CCDC126: variants seen among roughly 807,000 people sequenced by gnomAD.
CCDC126 encodes the protein coiled-coil domain-containing protein 126.
In CCDC126, 5 loss-of-function variants were observed where a neutral mutation model predicts 11.7. The ratio of observed to expected loss-of-function variants is 0.43; its 90% CI spans 0.22 to 0.90. CCDC126 has a LOEUF of 0.90. CCDC126 is among the 40% of genes least tolerant of loss of function. The pLI, the probability that CCDC126 is intolerant of heterozygous loss-of-function variation, is 0.27. For synonymous variants in CCDC126, 60 were observed against 61.9 expected (o/e 0.97, Z 0.14); for missense variants, 150 against 163.1 (o/e 0.92, Z 0.44).
chr7:23,624,947 A>AT (rs1363424483), intron 3 of CCDC126, among the ~76,000 whole-genome samples: 8 of 152,110 alleles, frequency 5.3e-5, no homozygotes, highest in African/African-American at 1.2e-4. Context: ...GGCTCAGGTG[A>AT]TCCCCCCACC....
At chr7:23,640,709 A>G (rs1028278094) in intron 3 of CCDC126, among the ~76,000 whole-genome samples, 11 of 152,098 alleles carry the variant, frequency 7.2e-5, no homozygotes, top group African/African-American at 2.7e-4. Flanking sequence ...CCTATTCTAC[A>G]TATTCTATAT....
At chr7:23,620,056 C>T (rs943344333) in intron 3 of CCDC126, among the ~76,000 whole-genome samples, 3 of 152,132 alleles carry the variant, frequency 2.0e-5, no homozygotes, top group Admixed American at 2.0e-4. Context: ...GTGCGTGTGT[C>T]TTTATAGCAG....
chr7:23,621,623 A>G (rs1228034566), intron 3 of CCDC126, among the ~76,000 whole-genome samples: 1 of 152,214 alleles, frequency 6.6e-6, no homozygotes, highest in African/African-American at 2.4e-5. Flanking sequence ...TATGTTGAAT[A>G]GGAGTGGTGA....
chr7:23,622,345 T>A (rs537256474), intron 3 of CCDC126: 3 of 269,748 alleles, frequency 1.1e-5, no homozygotes, highest in African/African-American at 6.8e-5. Flanking sequence ...CCATTTCTTC[T>A]AGATTTTCTA....
intron 2 of CCDC126, among the ~76,000 whole-genome samples, chr7:23,600,381 C>CA (rs901985256): frequency 7.0e-6 from 1 of 142,852 alleles, no homozygotes; most frequent in Non-Finnish European, 1.6e-5. Context: ...TTAACCCCCC[C>CA]CCCCCCACCA....
intron 3 of CCDC126, among the ~76,000 whole-genome samples, chr7:23,618,806 C>T (rs1782839890): frequency 6.6e-6 from 1 of 152,048 alleles, no homozygotes; most frequent in Non-Finnish European, 1.5e-5. Flanking sequence ...CCACCTGCCT[C>T]CACCTCCCAG....
intron 1 of CCDC126, 69 bp from the exon 2 acceptor site, chr7:23,597,897 GC>G (rs1226412780): frequency 6.6e-6 from 1 of 152,282 alleles, no homozygotes; most frequent in Non-Finnish European, 1.5e-5. Flanking sequence ...AGCGGGGCGG[GC>G]TTGGTCCGGA....
In CCDC126 at chr7:23,599,825, C is replaced by T. The variant is rs1782502052; in HGVS notation, c.-146+1774C>T. On this transcript the variant is annotated intron_variant, in intron 2 of 3. Transcript: ENST00000307471. ...AGTTTGAGACAGCCTTGCTCTTTCA[C>T]TCAGCTTGGAGTGCAGTGGTGCGAT... 1.3e-5 allele frequency among the ~76,000 whole-genome samples: 2 copies of T among 152,314 alleles called. 1 individual carries two copies. Among genetic ancestry groups the T allele is most frequent in the South Asian group, 4.1e-4 (2 of 4,832 alleles).
rs1171645131 is a variant in CCDC126 at position 23,605,400 on chromosome 7, TGTGTGTGTG to T, written c.-145-5770_-145-5762del. On this transcript the variant is annotated intron_variant, in intron 2 of 3. Coordinates refer to ENST00000307471, the MANE Select transcript of CCDC126 (RefSeq NM_138771.4). ...TTTAAGCAGGAGAATGTGATATGCT[TGTGTGTGTG>T]TGTGTGTGTGTGTGTGTGTGTGTGT... is the stretch of plus-strand genomic sequence containing the variant. Among the ~76,000 whole-genome samples the T allele has an allele frequency of 0.011, 6 of 530 alleles. No individual in the cohort carries two copies. In the East Asian group the frequency reaches 0.15, roughly 13 times the overall value. 0.3% of individuals were successfully genotyped at this position (530 alleles called of 152,430 possible). A position where few individuals can be genotyped will look rare whatever the true frequency, so the allele number is the denominator to read the frequency against.
chr7:23,610,104 G>A (rs1294649526), intron 2 of CCDC126, among the ~76,000 whole-genome samples: 1 of 152,102 alleles, frequency 6.6e-6, no homozygotes, highest in Non-Finnish European at 1.5e-5. Context: ...AAAACTTGAA[G>A]TATAACCTTT....
chr7:23,630,829 T>C (rs1340827146), intron 3 of CCDC126, among the ~76,000 whole-genome samples: 1 of 151,688 alleles, frequency 6.6e-6, no homozygotes, highest in Non-Finnish European at 1.5e-5. Context: ...GAAATCATTC[T>C]GAGTATATTC....
In CCDC126 at chr7:23,628,891, G is replaced by T. The variant is rs1783058542; in HGVS notation, c.239-14040G>T. Among the ~76,000 whole-genome samples the T allele has an allele frequency of 5.3e-5, 8 of 152,262 alleles. No individual in the cohort carries two copies. The South Asian group carries it at 1.5e-3, about 28-fold the overall frequency. On this transcript the variant is annotated intron_variant, in intron 3 of 3. Transcript: ENST00000307471. ...CTGGAACTCCCTTCTCCACCCAGCA[G>T]AGTGAGGAGCCCACCACCCTTGAGT...
intron 3 of CCDC126, among the ~76,000 whole-genome samples, chr7:23,638,314 GC>G (rs1158076013): frequency 1.4e-5 from 2 of 145,372 alleles, no homozygotes; most frequent in Non-Finnish European, 3.0e-5. Flanking sequence ...TCGGATGGTT[GC>G]CGGGTCTGTG....
At chr7:23,609,047 G>C (rs1417050179) in intron 2 of CCDC126, among the ~76,000 whole-genome samples, 3 of 152,082 alleles carry the variant, frequency 2.0e-5, no homozygotes, top group Non-Finnish European at 4.4e-5. Flanking sequence ...GGTGTCAGCT[G>C]ATCCATCTAG....
chr7:23,618,694 G>A (rs1782837500), intron 3 of CCDC126, among the ~76,000 whole-genome samples: 1 of 151,600 alleles, frequency 6.6e-6, no homozygotes, highest in Non-Finnish European at 1.5e-5. Context: ...GGGACTACAG[G>A]CATGCACCAC....
At chr7:23,637,432 G>T (rs1783251412) in intron 3 of CCDC126, among the ~76,000 whole-genome samples, 1 of 84,050 alleles carries the variant, frequency 1.2e-5, no homozygotes, top group Non-Finnish European at 2.4e-5. Flanking sequence ...GAGGGAGGTG[G>T]GGGGGTCAGC....
intron 3 of CCDC126, among the ~76,000 whole-genome samples, chr7:23,622,021 G>A (rs544388765): frequency 5.9e-5 from 9 of 152,258 alleles, no homozygotes; most frequent in South Asian, 4.1e-4. Context: ...TTGTTCATCA[G>A]GGATATTGGT....
intron 3 of CCDC126, among the ~76,000 whole-genome samples, chr7:23,612,498 A>AC (rs1782733265): frequency 7.0e-6 from 1 of 143,418 alleles, no homozygotes; most frequent in Non-Finnish European, 1.5e-5. Context: ...AAAAAAAAAA[A>AC]AAACAAAGAA....
intron 3 of CCDC126, among the ~76,000 whole-genome samples, chr7:23,642,617 G>A (rs1783381891): frequency 6.6e-6 from 1 of 151,948 alleles, no homozygotes; most frequent in Admixed American, 6.6e-5. Context: ...ACAAAAATTA[G>A]CTGGGCGTGG....
Sources: gnomAD v4.1 joint callset for allele counts (sites outside exome capture counted in the v4.1 genomes callset) on GRCh38, gnomAD v4.1.1 for gene constraint, MANE v1.5 for transcripts, NCBI Gene and HGNC (gene_info 2026-07-23, HGNC 2026-07-21) for gene names.